MLLT1: variants seen among roughly 807,000 people sequenced by gnomAD.
MLLT1 encodes protein ENL.
Under a neutral mutation model 55.1 loss-of-function variants are expected in MLLT1, and 11 were observed. The observed-to-expected ratio is 0.20, with a 90% CI of 0.13 to 0.33. The LOEUF (loss-of-function observed/expected upper bound fraction) is 0.33. Ranked by LOEUF, MLLT1 falls within the 10% of genes least tolerant of loss-of-function variation. The pLI is 1.00. For synonymous variants in MLLT1, 323 were observed against 320.1 expected (o/e 1.01, Z -0.10); for missense variants, 536 against 760.6 (o/e 0.70, Z 3.47).
chr19:6,259,906 T>A (rs1180606324), intron 3 of MLLT1: 1 of 151,174 alleles, frequency 6.6e-6, no homozygotes, highest in African/African-American at 2.4e-5. Flanking sequence ...ATGGGAGAAT[T>A]TTACTATATG....
intron 3 of MLLT1, among the ~76,000 whole-genome samples, chr19:6,247,432 G>A (rs901907728): frequency 3.9e-5 from 6 of 152,156 alleles, no homozygotes; most frequent in East Asian, 3.8e-4. Context: ...TGACAGGCCC[G>A]AATGCGAGAA....
At chr19:6,243,572 T>C (rs1308383972) in intron 3 of MLLT1, among the ~76,000 whole-genome samples, 1 of 152,066 alleles carries the variant, frequency 6.6e-6, no homozygotes, top group African/African-American at 2.4e-5. Flanking sequence ...ACTCGACCCC[T>C]TATGCAGGAT....
At position 6,231,282 on chromosome 19, in the gene MLLT1, G is replaced by T. The variant is rs1409935680; in HGVS notation, c.277-569C>A. Among the ~76,000 whole-genome samples, 5 of 152,332 alleles carry T rather than the reference G, an allele frequency of 3.3e-5. No individual in the cohort carries two copies. The East Asian group carries it at 7.7e-4, about 24-fold the overall frequency. On this transcript the variant is annotated intron_variant, in intron 3 of 11. Transcript: ENST00000252674. The surrounding 1 kb of genome is among the most constrained non-coding windows in gnomAD (Gnocchi z 5.1). ...CACCCTCGCCACCCCAGAAGACAGG[G>T]ACGCTCGCCTGGCATGGGGCAGGCG... is the stretch of plus-strand genomic sequence containing the variant.
At chr19:6,278,872 G>A (rs2091442006) in intron 1 of MLLT1, among the ~76,000 whole-genome samples, 1 of 152,168 alleles carries the variant, frequency 6.6e-6, no homozygotes, top group Non-Finnish European at 1.5e-5. Flanking sequence ...AAACTAGAAG[G>A]GGGCTGAGGC....
At chr19:6,248,887 T>C (rs1391334099) in intron 3 of MLLT1, among the ~76,000 whole-genome samples, 2 of 152,186 alleles carry the variant, frequency 1.3e-5, no homozygotes, top group African/African-American at 4.8e-5. Context: ...CTCTGTACTA[T>C]CTTTGCAGCT....
At chr19:6,258,758 G>A (rs1291411248) in intron 3 of MLLT1, among the ~76,000 whole-genome samples, 7 of 152,118 alleles carry the variant, frequency 4.6e-5, no homozygotes, top group African/African-American at 9.7e-5. Context: ...TTTCTGCTCC[G>A]GTCTTAGAGC....
rs770334409 is a variant in MLLT1, at chr19:6,270,603, C to T, written c.169G>A (p.Asp57Asn). The change falls in exon 2 of 12, where the codon GAC becomes AAC. Residue 57 changes from aspartate (D) to asparagine (N), a missense_variant. Asp to Asn is a conservative substitution (Grantham distance 23, BLOSUM62 1). Coordinates refer to ENST00000252674, the MANE Select transcript of MLLT1 (RefSeq NM_005934.4). This position sits in a 1 kb window ranked among gnomAD's most constrained non-coding sequence, Gnocchi z 7.1. ...FVEKVVFWLH[D>N]SFPKPRRVCK... ...CCGCGTCTGGGCTTGGGGAAGCTGT[C>T]GTGCAGCCAGAAGACCACCTTCTCC... 7.4e-6 allele frequency: 12 copies of T among 1,613,176 alleles called. 1 individual carries two copies. In the South Asian group the frequency reaches 7.7e-5, roughly 10 times the overall value.
At chr19:6,246,229 G>C (rs565650014) in intron 3 of MLLT1, among the ~76,000 whole-genome samples, 1 of 152,084 alleles carries the variant, frequency 6.6e-6, no homozygotes, top group East Asian at 1.9e-4. Context: ...AAAACCACTG[G>C]GCAGTTTCTT....
At chr19:6,215,378 T>C (rs2090831245) in intron 8 of MLLT1, among the ~76,000 whole-genome samples, 1 of 152,218 alleles carries the variant, frequency 6.6e-6, no homozygotes, top group Admixed American at 6.5e-5. Flanking sequence ...GGAGCCTGCT[T>C]CCAGGTCCTG....
chr19:6,228,492 A>G (rs1358680965), intron 4 of MLLT1, among the ~76,000 whole-genome samples: 1 of 151,496 alleles, frequency 6.6e-6, no homozygotes, highest in African/African-American at 2.5e-5. Context: ...ACCCTCAGCC[A>G]TGGGGGCAGA....
intron 3 of MLLT1, among the ~76,000 whole-genome samples, chr19:6,239,152 A>G (rs1258612627): frequency 6.6e-6 from 1 of 152,238 alleles, no homozygotes; most frequent in Non-Finnish European, 1.5e-5. Context: ...ACACAGCTGT[A>G]AGGCACTAGG....
rs767169849 is a variant in MLLT1, at chr19:6,212,870, C to T, written c.*172G>A. 4.2e-5 allele frequency: 42 copies of T among 1,005,954 alleles called. No homozygotes were observed. The highest frequency in any genetic ancestry group is 1.5e-4 in the Admixed American group (5 of 32,922). 62.3% of individuals were successfully genotyped at this position (1,005,954 alleles called of 1,614,324 possible). A position where few individuals can be genotyped will look rare whatever the true frequency, so the allele number is the denominator to read the frequency against. ...GGCCCCAGGGCTCCTGGCGATGGAG[C>T]GGGGAGAGTGGGCAGGGAGCCGCCG... On this transcript the variant is annotated 3_prime_UTR_variant, in exon 12 of 12. Transcript: ENST00000252674.
chr19:6,224,673 C>T (rs1251803153), intron 5 of MLLT1, among the ~76,000 whole-genome samples: 3 of 152,360 alleles, frequency 2.0e-5, no homozygotes, highest in East Asian at 1.9e-4. Context: ...CACAGGAGCA[C>T]AGGCACCCGA....
rs1023141257 is a variant in MLLT1, at chr19:6,211,513, G to T, written c.*1529C>A. 17 of 725,974 alleles carry T rather than the reference G, an allele frequency of 2.3e-5. No homozygotes were observed. The Admixed American group carries it at 7.7e-4, about 33-fold the overall frequency. The allele number at this position is 725,974 out of a possible 1,614,324, so 45.0% of individuals were successfully genotyped here. ...GGACAAGATGAGGGACCTCAGGGAG[G>T]GACAGATGGAGCCCCCCAAGTCTGA... On this transcript the variant is annotated 3_prime_UTR_variant, in exon 12 of 12. Transcript: ENST00000252674. The surrounding 1 kb of genome is among the most constrained non-coding windows in gnomAD (Gnocchi z 4.6).
In MLLT1 at chr19:6,273,154, C is replaced by A. The variant is rs1021363389; in HGVS notation, c.13-2395G>T. 6.6e-6 allele frequency among the ~76,000 whole-genome samples: 1 copy of A among 151,960 alleles called. No homozygotes were observed. Among genetic ancestry groups the A allele is most frequent in the Non-Finnish European group, 1.5e-5 (1 of 67,994 alleles). On this transcript the variant is annotated intron_variant, in intron 1 of 11. Coordinates refer to ENST00000252674, the MANE Select transcript of MLLT1 (RefSeq NM_005934.4). This position sits in a 1 kb window ranked among gnomAD's most constrained non-coding sequence, Gnocchi z 4.3. ...ATAAGTGGCTGACAGATATGGGAAA[C>A]GGTCTCGGAGTCAAAAGCCCCCGGC...
chr19:6,215,031 T>C (rs3787073), intron 8 of MLLT1, among the ~76,000 whole-genome samples: 87,836 of 152,144 alleles, frequency 0.58, 27,140 homozygotes, highest in African/African-American at 0.81. Context: ...CCCCTGCCTG[T>C]GCTCCTGCCG....
chr19:6,218,149 C>G (rs374492101), intron 6 of MLLT1, 108 bp from the exon 7 acceptor site: 1 of 1,461,626 alleles, frequency 6.8e-7, no homozygotes, highest in Non-Finnish European at 9.1e-7. Context: ...TGGGTCTCCC[C>G]CAGACACCCC....
At chr19:6,249,481 C>T (rs973044166) in intron 3 of MLLT1, among the ~76,000 whole-genome samples, 2 of 152,280 alleles carry the variant, frequency 1.3e-5, no homozygotes, top group South Asian at 2.1e-4. Flanking sequence ...TTTATTCATC[C>T]GGGCCACTGC....
intron 3 of MLLT1, among the ~76,000 whole-genome samples, chr19:6,241,793 C>T (rs917006830): frequency 2.6e-5 from 4 of 152,266 alleles, no homozygotes; most frequent in African/African-American, 7.2e-5. Context: ...CCACAGCTGG[C>T]ACGCATCCAT....
Sources: gnomAD v4.1 joint callset for allele counts (sites outside exome capture counted in the v4.1 genomes callset) on GRCh38, gnomAD v4.1.1 for gene constraint, Gnocchi (gnomAD v3.1) non-coding constraint, MANE v1.5 for transcripts, NCBI Gene and HGNC (gene_info 2026-07-23, HGNC 2026-07-21) for gene names.